Variants in SERPINB10 observed in about 807,000 individuals in gnomAD.
SERPINB10 encodes serpin family B member 10.
A neutral mutation model predicts 39.1 loss-of-function variants in SERPINB10; 35 were observed. The ratio of observed to expected loss-of-function variants is 0.90; its 90% CI spans 0.68 to 1.19. The LOEUF (loss-of-function observed/expected upper bound fraction) is 1.19. Among genes scored for constraint, SERPINB10 ranks in the 50% most tolerant of loss-of-function variants. The pLI is 0.00. For synonymous variants in SERPINB10, 190 were observed against 158.1 expected (o/e 1.20, Z -1.52); for missense variants, 546 against 460.5 (o/e 1.19, Z -1.70).
intron 5 of SERPINB10, among the ~76,000 whole-genome samples, chr18:63,927,076 C>T (rs2050186794): frequency 6.6e-6 from 1 of 151,730 alleles, no homozygotes; most frequent in Admixed American, 6.6e-5. Flanking sequence ...TTGTCTCTTC[C>T]TTTTATATAA....
intron 5 of SERPINB10, among the ~76,000 whole-genome samples, chr18:63,927,199 G>A (rs73480034): frequency 0.046 from 6,943 of 151,816 alleles, 542 homozygotes; most frequent in African/African-American, 0.16. Flanking sequence ...ATTATTATGG[G>A]TTTGTTGAAG....
chr18:63,914,327 G>A (rs2050086671), intron 1 of SERPINB10, among the ~76,000 whole-genome samples: 1 of 152,052 alleles, frequency 6.6e-6, no homozygotes, highest in African/African-American at 2.4e-5. Flanking sequence ...TGGTTGCTTT[G>A]TGGTTTCTAT....
At chr18:63,929,712 C>CAAAAAAAAAAAAAAAAAAAA (rs74169990) in intron 5 of SERPINB10, among the ~76,000 whole-genome samples, 100 of 97,304 alleles carry the variant, frequency 1.0e-3, no homozygotes, top group Non-Finnish European at 1.7e-3. Flanking sequence ...AGCTAAAGTG[C>CAAAAAAAAAAAAAAAAAAAA]AAAAAAAAAA....
rs555863236 is a variant in SERPINB10, at chr18:63,910,522, T to C, written c.-10+2482T>C. 5.9e-5 allele frequency among the ~76,000 whole-genome samples: 9 copies of C among 152,086 alleles called. No individual in the cohort carries two copies. In the South Asian group the frequency reaches 1.4e-3, roughly 25 times the overall value. The stretch of plus-strand genomic sequence containing the variant: ...CATCTTTAAGTCTATGAGTACCCAA[T>C]GCTTATGTCCCACTTATAAATGAGA... On this transcript the variant is annotated intron_variant, in intron 1 of 7. Transcript: ENST00000238508.
intron 5 of SERPINB10, among the ~76,000 whole-genome samples, chr18:63,927,046 A>T (rs2050186575): frequency 6.6e-6 from 1 of 151,836 alleles, no homozygotes; most frequent in Admixed American, 6.6e-5. Context: ...TGCTTTCCTT[A>T]TTATTTGCAA....
intron 1 of SERPINB10, among the ~76,000 whole-genome samples, chr18:63,910,867 GA>G (rs2050059511): frequency 6.6e-6 from 1 of 151,874 alleles, no homozygotes; most frequent in African/African-American, 2.4e-5. Context: ...ACTTCCTTGG[GA>G]AATCTCCAAT....
chr18:63,928,655 T>G (rs1403724575), intron 5 of SERPINB10, among the ~76,000 whole-genome samples: 1 of 152,122 alleles, frequency 6.6e-6, no homozygotes, highest in Admixed American at 6.5e-5. Context: ...GTTTTCACGA[T>G]ATTGATTCTT....
rs2050116304 is a variant in SERPINB10, at chr18:63,917,974, T to C, written c.244T>C (p.Leu82=). 1 of 1,611,852 alleles carries C rather than the reference T, an allele frequency of 6.2e-7. No individual in the cohort carries two copies. The highest frequency in any genetic ancestry group is 1.3e-5 in the African/African-American group (1 of 74,942). The change falls in exon 4 of 8, where the codon TTG becomes CTG. Residue 82 remains leucine, a synonymous_variant. Transcript: ENST00000238508. ...TCCTTCTCTTTTAAAGGAATTCAAC[T>C]TGAGCAACTCGGAAGAAATACACTC... ...SEKKRKMEFN[L]SNSEEIHSDF... is the part of the protein sequence containing the mutation.
rs73480047 is a variant in SERPINB10, at chr18:63,931,111, T to C, written c.633+924T>C. On this transcript the variant is annotated intron_variant, in intron 6 of 7. Transcript: ENST00000238508. ...TTCAGTTGCAAGTGATAGAAAAGTATTCCAAACTAGCTCTGGCAAAATGGG... is the reference window on the plus strand; with the variant it reads ...TTCAGTTGCAAGTGATAGAAAAGTACTCCAAACTAGCTCTGGCAAAATGGG... Among the ~76,000 whole-genome samples the C allele has an allele frequency of 9.6e-3, 1,468 of 152,266 alleles. 36 individuals carry two copies. The highest frequency in any genetic ancestry group is 0.034 in the African/African-American group (1,407 of 41,550).
chr18:63,935,238 C>G lies in SERPINB10; in HGVS notation c.1190C>G (p.Pro397Arg). The G allele has an allele frequency of 6.4e-7, 1 of 1,573,928 alleles. No individual in the cohort carries two copies. The highest frequency in any genetic ancestry group is 1.2e-5 in the South Asian group (1 of 85,100). Residue 397 changes from proline to arginine, a missense_variant, in exon 8 of 8, where the codon CCC (proline) becomes CGC (arginine). Coordinates refer to ENST00000238508, the MANE Select transcript of SERPINB10 (RefSeq NM_005024.3). ...CTTTTTTATGGAAGATTATGCTCCC[C>G]CTAAATCCTGCATATCTCTCAACAA... The part of the protein sequence containing the change: ...TILFYGRLCS[P>R]
intron 1 of SERPINB10, among the ~76,000 whole-genome samples, chr18:63,911,959 T>A (rs2050068084): frequency 1.3e-5 from 2 of 151,858 alleles, no homozygotes; most frequent in Non-Finnish European, 2.9e-5. Flanking sequence ...TTAGCAGTGT[T>A]TTTTTTTACC....
chr18:63,910,844 A>G (rs2050059281), intron 1 of SERPINB10, among the ~76,000 whole-genome samples: 1 of 150,858 alleles, frequency 6.6e-6, no homozygotes. Flanking sequence ...TGCTGGGTTG[A>G]AGGGTAGTTC....
At chr18:63,926,089 G>GT (rs1338405078) in intron 5 of SERPINB10, among the ~76,000 whole-genome samples, 4 of 152,026 alleles carry the variant, frequency 2.6e-5, no homozygotes, top group African/African-American at 9.7e-5. Flanking sequence ...TTCTCTCACA[G>GT]TTTTGGGGGC....
At chr18:63,931,713 C>T (rs1215848281) in intron 6 of SERPINB10, among the ~76,000 whole-genome samples, 3 of 152,102 alleles carry the variant, frequency 2.0e-5, no homozygotes, top group African/African-American at 7.2e-5. Flanking sequence ...TAACATCTTA[C>T]ATTAGTGTGG....
chr18:63,930,026 C>A lies in SERPINB10; in HGVS notation c.491-19C>A. Reference sequence around the variant, plus strand: ...CATATTTCTACAAGTCATTTGCAACCTGCCTTTTGTTCTTACAGGTAAAAT... The same window carrying A: ...CATATTTCTACAAGTCATTTGCAACATGCCTTTTGTTCTTACAGGTAAAAT... On this transcript the variant is annotated intron_variant, in intron 5 of 7. Coordinates refer to ENST00000238508, the MANE Select transcript of SERPINB10 (RefSeq NM_005024.3). The A allele has an allele frequency of 6.2e-7, 1 of 1,611,636 alleles. No individual in the cohort carries two copies.
At chr18:63,933,227 T>A (rs773746819) in intron 7 of SERPINB10, 24 bp downstream of exon 7, 1 of 1,613,170 alleles carries the variant, frequency 6.2e-7, no homozygotes, top group South Asian at 1.1e-5. Flanking sequence ...GTGTGTCTGA[T>A]GTGAGGGTGT....
intron 1 of SERPINB10, among the ~76,000 whole-genome samples, chr18:63,912,710 G>A (rs990956272): frequency 3.9e-5 from 6 of 151,992 alleles, no homozygotes; most frequent in Non-Finnish European, 8.8e-5. Context: ...TTGCATCTAT[G>A]CTCATCAGAG....
chr18:63,910,259 G>T (rs2050054279), intron 1 of SERPINB10, among the ~76,000 whole-genome samples: 4 of 151,982 alleles, frequency 2.6e-5, no homozygotes, highest in Non-Finnish European at 5.9e-5. Context: ...TGGCATTAAT[G>T]AGATTTCCTA....
At position 63,935,934 on chromosome 18, in the gene SERPINB10, G is replaced by A. The variant is rs969490291; in HGVS notation, c.*692G>A. 3.9e-5 allele frequency: 6 copies of A among 152,208 alleles called. No homozygotes were observed. The highest frequency in any genetic ancestry group is 1.4e-4 in the African/African-American group (6 of 41,448). The allele number at this position is 152,208 out of a possible 1,614,324, so 9.4% of individuals were successfully genotyped here. A position where few individuals can be genotyped will look rare whatever the true frequency, so the allele number is the denominator to read the frequency against. On this transcript the variant is annotated 3_prime_UTR_variant, in exon 8 of 8. Transcript: ENST00000238508. ...TAGTGAAATCCAAATGAAATTTGAA[G>A]TTTAGCTAGTAGCAATCTCTCAATG...
Sources: gnomAD v4.1 joint callset for allele counts (sites outside exome capture counted in the v4.1 genomes callset) on GRCh38, gnomAD v4.1.1 for gene constraint, MANE v1.5 for transcripts, NCBI Gene and HGNC (gene_info 2026-07-23, HGNC 2026-07-21) for gene names.